The following ARHGAP22 variants were observed in gnomAD, a reference collection of about 807,000 sequenced individuals.
ARHGAP22 encodes rho GTPase-activating protein 22.
A neutral mutation model predicts 59.1 loss-of-function variants in ARHGAP22; 48 were observed. The observed-to-expected ratio is 0.81, with a 90% confidence interval of 0.64 to 1.03. ARHGAP22 has a LOEUF of 1.03. Ranked by LOEUF, ARHGAP22 falls within the 50% of genes least tolerant of loss-of-function variation. ARHGAP22 has a pLI of 0.00. For missense variants in ARHGAP22, 1,015 were observed against 958.7 expected (o/e 1.06, Z -0.78); for synonymous variants, 445 against 416.4 (o/e 1.07, Z -0.84).
In ARHGAP22 at chr10:48,479,753, C is replaced by T. The variant is rs372786058; in HGVS notation, c.334G>A (p.Glu112Lys). ...GGGTTGGCCGGCACCTTCTCCCGCT[C>T]CCCGGCACCACCTGCAAGACAGGGA... is the stretch of plus-strand genomic sequence containing the variant. ...LFEISPGGAGEREKVPANPEA... is the reference protein window; with the variant it reads ...LFEISPGGAGKREKVPANPEA... Residue 112 changes from glutamate to lysine, a missense_variant, in exon 4 of 10, where the codon GAG becomes AAG. Glu to Lys is a moderately conservative substitution (Grantham distance 56). Transcript: ENST00000249601. 3.1e-6 allele frequency: 5 copies of T among 1,591,400 alleles called. No individual in the cohort carries two copies. In the African/African-American group the frequency reaches 6.7e-5, roughly 21 times the overall value.
the ARHGAP22 span, chr10:48,430,305 G>C: frequency 6.6e-6 from 1 of 152,124 alleles, no homozygotes; most frequent in African/African-American, 2.4e-5. Context: ...TGTTGGTCAG[G>C]CTTGTCTCAA....
chr10:48,619,827 C>G (rs1007390454), intron 1 of ARHGAP22, among the ~76,000 whole-genome samples: 10 of 151,984 alleles, frequency 6.6e-5, no homozygotes, highest in Non-Finnish European at 1.0e-4. Context: ...ACAAAGGCAG[C>G]AGAAGAAAAA....
Position 48,446,554 on chromosome 10 carries a change from T to C in ARHGAP22, c.1934A>G (p.Glu645Gly). ...TTCCAGCATGATGTATTTTTTCTTT[T>C]CCTGGTCCAGTTCTTCTTCTAACCG... ...MSRLEEELDQ[E>G]KKKYIMLEIK... Residue 645 changes from glutamate to glycine, a missense_variant, in exon 10 of 10, where the codon GAA (glutamate) becomes GGA (glycine). Coordinates refer to ENST00000249601, the MANE Select transcript of ARHGAP22 (RefSeq NM_021226.4). 6.2e-7 allele frequency: 1 copy of C among 1,614,226 alleles called. No homozygotes were observed. Among genetic ancestry groups the C allele is most frequent in the Non-Finnish European group, 8.5e-7 (1 of 1,180,030 alleles).
chr10:48,523,234 T>G (rs1045402735), intron 3 of ARHGAP22, among the ~76,000 whole-genome samples: 1 of 152,204 alleles, frequency 6.6e-6, no homozygotes, highest in African/African-American at 2.4e-5. Context: ...CCCAAGGCCT[T>G]CCCCAGAGCC....
intron 5 of ARHGAP22, among the ~76,000 whole-genome samples, chr10:48,459,310 G>C (rs1297808291): frequency 2.0e-5 from 3 of 151,788 alleles, no homozygotes; most frequent in Admixed American, 2.0e-4. Context: ...CCTGGGGGTA[G>C]GTCACCGGAG....
intron 1 of ARHGAP22, among the ~76,000 whole-genome samples, chr10:48,599,678 A>C (rs1165707956): frequency 6.6e-6 from 1 of 152,050 alleles, no homozygotes; most frequent in Non-Finnish European, 1.5e-5. Flanking sequence ...GTGAGGGCTA[A>C]CTCCACAGGG....
chr10:48,519,737 C>T (rs982731425), intron 3 of ARHGAP22, among the ~76,000 whole-genome samples: 2 of 152,194 alleles, frequency 1.3e-5, no homozygotes, highest in African/African-American at 4.8e-5. Flanking sequence ...TGCCCTCAGG[C>T]CCATTTGATG....
At chr10:48,496,072 C>A (rs1396031598) in intron 3 of ARHGAP22, among the ~76,000 whole-genome samples, 2 of 152,170 alleles carry the variant, frequency 1.3e-5, no homozygotes, top group Admixed American at 6.5e-5. Context: ...CTACAGGATG[C>A]AGCCAAGCCA....
chr10:48,451,966 A>G (rs2046011286), intron 8 of ARHGAP22, among the ~76,000 whole-genome samples: 1 of 149,076 alleles, frequency 6.7e-6, no homozygotes, highest in Non-Finnish European at 1.5e-5. Flanking sequence ...TCCGCCACAC[A>G]CAATTGCACA....
rs867509639 is a variant in ARHGAP22 at position 48,452,706 on chromosome 10, T to C, written c.988+598A>G. Among the ~76,000 whole-genome samples, 3 of 152,344 alleles carry C rather than the reference T, an allele frequency of 2.0e-5. No homozygotes were observed. The South Asian group carries it at 6.2e-4, about 32-fold the overall frequency. ...GTGCCCTTTGCTAAGTCTGGCTGACTGGCCTCTGGTGAGTCCCCTCGCCTC... is the reference window on the plus strand; with the variant it reads ...GTGCCCTTTGCTAAGTCTGGCTGACCGGCCTCTGGTGAGTCCCCTCGCCTC... On this transcript the variant is annotated intron_variant, in intron 8 of 9. Transcript: ENST00000249601.
At chr10:48,618,004 T>A (rs546194997) in intron 1 of ARHGAP22, among the ~76,000 whole-genome samples, 49 of 151,958 alleles carry the variant, frequency 3.2e-4, no homozygotes, top group African/African-American at 1.2e-3. Flanking sequence ...AGAGGAGACA[T>A]TACAACTGAA....
At chr10:48,591,145 T>G (rs2059725179) in intron 1 of ARHGAP22, among the ~76,000 whole-genome samples, 1 of 152,016 alleles carries the variant, frequency 6.6e-6, no homozygotes, top group Non-Finnish European at 1.5e-5. Flanking sequence ...GCTCAGAGCC[T>G]CCAGAGAGGA....
chr10:48,438,958 T>C, the ARHGAP22 span: 1 of 152,226 alleles, frequency 6.6e-6, no homozygotes, highest in South Asian at 2.1e-4. Context: ...ATATTTGGTA[T>C]ATTTTTGAGA....
intron 4 of ARHGAP22, chr10:48,479,259 C>T: frequency 3.6e-6 from 1 of 280,432 alleles, no homozygotes; most frequent in Non-Finnish European, 6.7e-6. Flanking sequence ...TCTCACTGAG[C>T]TTCAATGGCT....
chr10:48,645,601 A>G (rs2062260438), intron 1 of ARHGAP22, among the ~76,000 whole-genome samples: 1 of 152,198 alleles, frequency 6.6e-6, no homozygotes, highest in South Asian at 2.1e-4. Context: ...GCCATTCATG[A>G]TTTTAAAAAA....
In ARHGAP22 at chr10:48,460,153, C is replaced by T. The variant is rs553435530; in HGVS notation, c.452-262G>A. ...GCAGTGAGATGGTGGTGTGACCTGG[C>T]CATGGAGCTTGCCCAAGCCAGGAGC... On this transcript the variant is annotated intron_variant, in intron 4 of 9. Coordinates refer to ENST00000249601, the MANE Select transcript of ARHGAP22 (RefSeq NM_021226.4). Among the ~76,000 whole-genome samples the T allele has an allele frequency of 1.6e-4, 24 of 152,272 alleles. 1 individual carries two copies. In the South Asian group the frequency reaches 5.0e-3, roughly 32 times the overall value.
intron 7 of ARHGAP22, 124 bp downstream of exon 7, chr10:48,453,964 T>C: frequency 1.0e-6 from 1 of 987,216 alleles, no homozygotes. Flanking sequence ...GGGTTGAGGC[T>C]GTGCAGGGTG....
At chr10:48,563,479 C>T (rs1051629857) in intron 2 of ARHGAP22, among the ~76,000 whole-genome samples, 11 of 152,086 alleles carry the variant, frequency 7.2e-5, no homozygotes, top group South Asian at 2.1e-4. Flanking sequence ...CGTGAGCCAC[C>T]GCACCTGGCC....
upstream of ARHGAP22, among the ~76,000 whole-genome samples, chr10:48,606,522 T>C (rs1232726665): frequency 6.6e-6 from 1 of 152,194 alleles, no homozygotes; most frequent in Non-Finnish European, 1.5e-5. Context: ...CATGGTAGCA[T>C]CCATGGACTC....
Sources: allele counts gnomAD v4.1 joint callset (sites outside exome capture counted in the v4.1 genomes callset), GRCh38; gene constraint gnomAD v4.1.1; transcripts MANE v1.5; gene names NCBI Gene and HGNC (gene_info 2026-07-23, HGNC 2026-07-21).